Variants in SHTN1 observed in about 807,000 individuals in gnomAD.
The protein encoded by SHTN1 is shootin 1, also known as shootin-1.
SHTN1 carries 42 observed loss-of-function variants against 83.1 expected under a neutral mutation model. That is an observed-to-expected ratio of 0.51 (90% CI 0.39 to 0.65). The LOEUF is 0.65. Among genes scored for constraint, SHTN1 ranks in the 30% least tolerant of loss-of-function variants. The pLI, the probability that SHTN1 is intolerant of heterozygous loss-of-function variation, is 0.00. For synonymous variants in SHTN1, 224 were observed against 247.7 expected, an observed-to-expected ratio of 0.90 and a Z score of 0.90; for missense variants, 622 against 737.8, an observed-to-expected ratio of 0.84 and a Z score of 1.82.
intron 2 of SHTN1, among the ~76,000 whole-genome samples, chr10:117,014,606 A>C (rs1296508412): frequency 6.6e-6 from 1 of 152,180 alleles, no homozygotes; most frequent in African/African-American, 2.4e-5. Flanking sequence ...ACTGTAGATA[A>C]TGGGAGGCAG....
At chr10:117,062,381 T>C (rs1461384706) in intron 1 of SHTN1, among the ~76,000 whole-genome samples, 1 of 152,192 alleles carries the variant, frequency 6.6e-6, no homozygotes, top group South Asian at 2.1e-4. Flanking sequence ...TGACACAGAA[T>C]TCCCATTGGG....
chr10:116,933,227 G>C (rs377305383), intron 9 of SHTN1, among the ~76,000 whole-genome samples: 11 of 152,094 alleles, frequency 7.2e-5, no homozygotes, highest in African/African-American at 2.4e-4. Context: ...GTGCAGGTTT[G>C]TTACATAGGT....
intron 1 of SHTN1, among the ~76,000 whole-genome samples, chr10:117,103,685 C>T (rs1327121099): frequency 1.3e-5 from 2 of 151,518 alleles, no homozygotes; most frequent in Admixed American, 1.3e-4. Context: ...TACAGGTGCC[C>T]ACCACCACGC....
intron 1 of SHTN1, among the ~76,000 whole-genome samples, chr10:117,075,922 C>T (rs932744798): frequency 1.3e-5 from 2 of 152,160 alleles, no homozygotes; most frequent in Non-Finnish European, 2.9e-5. Context: ...GTGGCTCACG[C>T]CTGTAATCCT....
chr10:116,886,505 C>G lies in SHTN1; in HGVS notation c.1735G>C (p.Val579Leu). The G allele has an allele frequency of 6.2e-7, 1 of 1,614,138 alleles. No individual in the cohort carries two copies. Among genetic ancestry groups the G allele is most frequent in the Middle Eastern group, 1.6e-4 (1 of 6,062 alleles). The change falls in exon 17 of 17, where the codon GTT becomes CTT. Residue 579 changes from valine (V) to leucine (L), a missense_variant. By Grantham distance (32) the Val-to-Leu change is conservative. Coordinates refer to ENST00000355371, the MANE Select transcript of SHTN1 (RefSeq NM_001127211.3). The stretch of plus-strand genomic sequence containing the variant: ...GTAGAAACAGGATCTAAAACTACAA[C>G]TGGTTCGGCTTGTTTTTCACCGTCA... ...YIDGEKQAEP[V>L]VVLDPVSTHE...
chr10:116,981,471 A>T (rs1031773129), intron 1 of SHTN1, among the ~76,000 whole-genome samples: 1 of 152,154 alleles, frequency 6.6e-6, no homozygotes, highest in African/African-American at 2.4e-5. Flanking sequence ...AAAACCAATA[A>T]AATGTGTCCC....
chr10:117,021,076 A>G (rs1852256912), intron 2 of SHTN1, among the ~76,000 whole-genome samples: 1 of 152,180 alleles, frequency 6.6e-6, no homozygotes, highest in African/African-American at 2.4e-5. Flanking sequence ...AAATACAAGT[A>G]AAAACCACAA....
intron 1 of SHTN1, among the ~76,000 whole-genome samples, chr10:117,092,618 G>A (rs1359799830): frequency 6.6e-6 from 1 of 152,224 alleles, no homozygotes; most frequent in Non-Finnish European, 1.5e-5. Context: ...TGCCAATCAT[G>A]AGGCAACGGC....
intron 7 of SHTN1, among the ~76,000 whole-genome samples, chr10:116,946,911 A>G (rs2133411516): frequency 6.6e-6 from 1 of 151,808 alleles, no homozygotes; most frequent in South Asian, 2.1e-4. Context: ...AGTAGAGACG[A>G]GGTTTTACCA....
intron 1 of SHTN1, among the ~76,000 whole-genome samples, chr10:117,076,552 T>C (rs1401760018): frequency 6.9e-6 from 1 of 144,730 alleles, no homozygotes; most frequent in Non-Finnish European, 1.5e-5. Flanking sequence ...TGTGCACAAA[T>C]AAACATATGT....
rs150494798 is a variant in SHTN1, at chr10:117,004,107, G to A, written c.58+915C>T. 2.6e-5 allele frequency among the ~76,000 whole-genome samples: 4 copies of A among 152,020 alleles called. No individual in the cohort carries two copies. The East Asian group carries it at 5.8e-4, about 22-fold the overall frequency. On this transcript the variant is annotated intron_variant, in intron 1 of 16. Transcript: ENST00000355371. Reference sequence around the variant, plus strand: ...TCTCCATGTTGGTTAGGCTGGTCTCGAACTCCTGACCTTAGGTGATCCACC... The same window carrying A: ...TCTCCATGTTGGTTAGGCTGGTCTCAAACTCCTGACCTTAGGTGATCCACC...
chr10:116,988,513 TTTATC>T (rs527265133), intron 1 of SHTN1, among the ~76,000 whole-genome samples: 28 of 148,606 alleles, frequency 1.9e-4, no homozygotes, highest in African/African-American at 6.6e-4. Context: ...TTTTTTATAT[TTTATC>T]TTATTTTACT....
intron 3 of SHTN1, among the ~76,000 whole-genome samples, chr10:116,968,341 T>TTA (rs1400975106): frequency 6.6e-6 from 1 of 152,210 alleles, no homozygotes; most frequent in African/African-American, 2.4e-5. Flanking sequence ...CAAGGACAGA[T>TTA]TATAAAGTAC....
At chr10:117,086,129 A>G (rs1363672834) in intron 1 of SHTN1, among the ~76,000 whole-genome samples, 1 of 152,142 alleles carries the variant, frequency 6.6e-6, no homozygotes, top group Non-Finnish European at 1.5e-5. Context: ...CATGTTAGCT[A>G]GGATGGTCTG....
intron 16 of SHTN1, among the ~76,000 whole-genome samples, chr10:116,899,506 G>GGTGTGTGTGTGTGTGTGTGTGT (rs370396879): frequency 1.6e-3 from 200 of 124,562 alleles, no homozygotes; most frequent in African/African-American, 4.9e-3. Context: ...GGCTGGGGCT[G>GGTGTGTGTGTGTGTGTGTGTGT]GTGTGTGTGT....
At chr10:117,006,937 C>G (rs1306823002), upstream of SHTN1, among the ~76,000 whole-genome samples, 1 of 151,924 alleles carries the variant, frequency 6.6e-6, no homozygotes, top group Non-Finnish European at 1.5e-5. Context: ...GCACTGCTTT[C>G]TCTTTCTCTA....
intron 1 of SHTN1, among the ~76,000 whole-genome samples, chr10:117,052,020 A>ATATATATATATATATATATATG (rs1280560233): frequency 4.6e-4 from 64 of 137,958 alleles, no homozygotes; most frequent in African/African-American, 1.6e-3. Flanking sequence ...ATATATATAT[A>ATATATATATATATATATATATG]TAGAAAAGCC....
At chr10:116,930,391 C>A (rs1235909824) in intron 9 of SHTN1, among the ~76,000 whole-genome samples, 1 of 152,142 alleles carries the variant, frequency 6.6e-6, no homozygotes, top group Non-Finnish European at 1.5e-5. Context: ...TCCTCCCACC[C>A]TCCATCATCA....
chr10:116,906,563 GAGACTT>G, intron 15 of SHTN1, 58 bp downstream of exon 15: 1 of 1,478,292 alleles, frequency 6.8e-7, no homozygotes, highest in African/African-American at 1.4e-5. Context: ...CATGTAAAAA[GAGACTT>G]AGAAGAAGAT....
Sources: allele counts gnomAD v4.1 joint callset (sites outside exome capture counted in the v4.1 genomes callset), GRCh38; gene constraint gnomAD v4.1.1; transcripts MANE v1.5; gene names NCBI Gene and HGNC (gene_info 2026-07-23, HGNC 2026-07-21).